DLGAP1: variants seen among roughly 807,000 people sequenced by gnomAD.
DLGAP1 encodes the protein DLG associated protein 1.
In DLGAP1, 11 loss-of-function variants were observed where a neutral mutation model predicts 90.8. That is an observed-to-expected ratio of 0.12 (90% CI 0.08 to 0.20). DLGAP1 has a LOEUF of 0.20. Ranked by LOEUF, DLGAP1 falls within the 10% of genes least tolerant of loss-of-function variation. The pLI, the probability that DLGAP1 is intolerant of heterozygous loss-of-function variation, is 1.00. For missense variants in DLGAP1, 1,050 were observed against 1,333.8 expected, an observed-to-expected ratio of 0.79 and a Z score of 3.31; for synonymous variants, 558 against 540.7, an observed-to-expected ratio of 1.03 and a Z score of -0.44.
Position 4,284,801 on chromosome 18 carries a change from G to C in DLGAP1, c.-266-133514C>G, listed in dbSNP as rs560260636. 2.9e-4 allele frequency among the ~76,000 whole-genome samples: 44 copies of C among 152,258 alleles called. 2 individuals carry two copies. The South Asian group carries it at 6.6e-3, about 23-fold the overall frequency. ...ATTGTATGCATGGCTATCAAAAGAA[G>C]CTAATAAAATATTAGGCTGAAGAAC... On this transcript the variant is annotated intron_variant, in intron 1 of 12. Coordinates refer to ENST00000315677, the MANE Select transcript of DLGAP1 (RefSeq NM_004746.4).
At chr18:4,324,852 G>A (rs919698256) in intron 1 of DLGAP1, among the ~76,000 whole-genome samples, 8 of 152,130 alleles carry the variant, frequency 5.3e-5, no homozygotes, top group Admixed American at 3.9e-4. Context: ...ACTAGGCACT[G>A]AAGGAATATA....
chr18:3,762,892 A>G lies in DLGAP1; in HGVS notation c.1173-20380T>C, dbSNP rs72861909. ...CTTTGACAAGAAGGCACCCCGAATG[A>G]TACTTCACCTTTCAAATGTGGCTGA... On this transcript the variant is annotated intron_variant, in intron 5 of 12. Transcript: ENST00000315677. 9.7e-3 allele frequency among the ~76,000 whole-genome samples: 1,471 copies of G among 152,320 alleles called. 9 individuals are homozygous for G. Among genetic ancestry groups the G allele is most frequent in the Non-Finnish European group, 0.016 (1,108 of 68,022 alleles).
chr18:4,001,213 T>C (rs1448710243), intron 3 of DLGAP1, among the ~76,000 whole-genome samples: 1 of 152,094 alleles, frequency 6.6e-6, no homozygotes, highest in Non-Finnish European at 1.5e-5. Context: ...ATAAGTTTTT[T>C]CTTCAACTCT....
chr18:4,225,248 T>G (rs1282637144), intron 1 of DLGAP1, among the ~76,000 whole-genome samples: 2 of 152,136 alleles, frequency 1.3e-5, no homozygotes, highest in African/African-American at 2.4e-5. Context: ...TGCCACTTAA[T>G]GCAGTTATGG....
At chr18:3,582,637 T>A (rs1378777966) in intron 7 of DLGAP1, among the ~76,000 whole-genome samples, 1 of 152,150 alleles carries the variant, frequency 6.6e-6, no homozygotes, top group Non-Finnish European at 1.5e-5. Flanking sequence ...ATATAGCTAA[T>A]ATTAAACAGA....
chr18:4,203,525 T>A (rs1357200418), intron 1 of DLGAP1, among the ~76,000 whole-genome samples: 2 of 152,202 alleles, frequency 1.3e-5, no homozygotes, highest in African/African-American at 4.8e-5. Context: ...TTTGGGCTTC[T>A]ACTTTGACAC....
At chr18:3,871,769 G>C (rs984611127) in intron 4 of DLGAP1, among the ~76,000 whole-genome samples, 5 of 152,138 alleles carry the variant, frequency 3.3e-5, no homozygotes, top group African/African-American at 9.7e-5. Context: ...TCTTAAAATG[G>C]ATCTGAGTTC....
At chr18:4,299,059 C>T (rs1265598476) in intron 1 of DLGAP1, among the ~76,000 whole-genome samples, 8 of 133,688 alleles carry the variant, frequency 6.0e-5, no homozygotes, top group Non-Finnish European at 9.1e-5. Context: ...CTAGCCTGGG[C>T]GACAGAGCGA....
At chr18:3,953,650 A>G (rs1353126748) in intron 3 of DLGAP1, among the ~76,000 whole-genome samples, 1 of 152,216 alleles carries the variant, frequency 6.6e-6, no homozygotes, top group Non-Finnish European at 1.5e-5. Context: ...TAAACATATA[A>G]GTGCAAGTAT....
At chr18:4,403,414 CAAT>C (rs1350701354) in intron 1 of DLGAP1, among the ~76,000 whole-genome samples, 1 of 151,964 alleles carries the variant, frequency 6.6e-6, no homozygotes, top group Non-Finnish European at 1.5e-5. Flanking sequence ...CTCGGTATTA[CAAT>C]AATAATGCTT....
chr18:3,898,003 C>T (rs1248115557), intron 3 of DLGAP1, among the ~76,000 whole-genome samples: 1 of 151,828 alleles, frequency 6.6e-6, no homozygotes, highest in East Asian at 1.9e-4. Flanking sequence ...ACCTTGTTAG[C>T]CAGGATGGTC....
In DLGAP1 at chr18:4,397,847, T is replaced by A. The variant is rs376924221; in HGVS notation, c.-267+57159A>T. Reference sequence around the variant, plus strand: ...CCGGAGGTAAAGATTTCTTAAATCATCTTTTTCAGGACATTTTTATCTGCC... The same window carrying A: ...CCGGAGGTAAAGATTTCTTAAATCAACTTTTTCAGGACATTTTTATCTGCC... On this transcript the variant is annotated intron_variant, in intron 1 of 12. Transcript: ENST00000315677. 1.5e-4 allele frequency among the ~76,000 whole-genome samples: 23 copies of A among 152,322 alleles called. No homozygotes were observed. The East Asian group carries it at 4.4e-3, about 29-fold the overall frequency.
At chr18:3,784,245 C>T (rs1020042512) in intron 5 of DLGAP1, among the ~76,000 whole-genome samples, 4 of 152,130 alleles carry the variant, frequency 2.6e-5, no homozygotes, top group East Asian at 1.9e-4. Context: ...TAGGCTCCCC[C>T]GAGTTGGCCT....
At chr18:3,909,614 C>CTCTCTT (rs979247634) in intron 3 of DLGAP1, among the ~76,000 whole-genome samples, 2 of 152,242 alleles carry the variant, frequency 1.3e-5, no homozygotes, top group African/African-American at 2.4e-5. Flanking sequence ...AAAACTCTTT[C>CTCTCTT]TCTCTTTCTC....
At chr18:3,799,037 C>T (rs1305886108) in intron 5 of DLGAP1, among the ~76,000 whole-genome samples, 1 of 152,120 alleles carries the variant, frequency 6.6e-6, no homozygotes, top group East Asian at 1.9e-4. Flanking sequence ...CCACACCTGG[C>T]TAATTTTTGT....
intron 4 of DLGAP1, among the ~76,000 whole-genome samples, chr18:3,877,256 G>A (rs2071027826): frequency 6.6e-6 from 1 of 151,902 alleles, no homozygotes; most frequent in Non-Finnish European, 1.5e-5. Context: ...CACTACCTGA[G>A]ATCGCAACTC....
intron 2 of DLGAP1, among the ~76,000 whole-genome samples, chr18:4,143,223 T>A (rs538191826): frequency 6.6e-6 from 1 of 152,208 alleles, no homozygotes; most frequent in South Asian, 2.1e-4. Context: ...TTCCCCTTTG[T>A]CCTGGGGAGG....
intron 1 of DLGAP1, among the ~76,000 whole-genome samples, chr18:4,180,644 T>A (rs2077191731): frequency 6.6e-6 from 1 of 152,194 alleles, no homozygotes; most frequent in Non-Finnish European, 1.5e-5. Flanking sequence ...AGAATATGCA[T>A]ACAACTTTCA....
chr18:4,268,323 AT>A (rs2079176107), intron 1 of DLGAP1, among the ~76,000 whole-genome samples: 1 of 152,234 alleles, frequency 6.6e-6, no homozygotes, highest in African/African-American at 2.4e-5. Flanking sequence ...AATAAACAGT[AT>A]TTTTTAATAA....
Sources: gnomAD v4.1 joint callset for allele counts (sites outside exome capture counted in the v4.1 genomes callset) on GRCh38, gnomAD v4.1.1 for gene constraint, MANE v1.5 for transcripts, NCBI Gene and HGNC (gene_info 2026-07-23, HGNC 2026-07-21) for gene names.